XXYLT1: variants seen among roughly 807,000 people sequenced by gnomAD.
XXYLT1 encodes xyloside xylosyltransferase 1, also known as UDP-xylose:alpha-xyloside alpha-1,3-xylosyltransferase.
In XXYLT1, 20 loss-of-function variants were observed where a neutral mutation model predicts 28.9. The ratio of observed to expected loss-of-function variants is 0.69; its 90% confidence interval spans 0.49 to 1.00. The LOEUF is 1.00. XXYLT1 is among the 50% of genes least tolerant of loss of function. The probability of loss-of-function intolerance (pLI) is 0.00; values close to 1 mark genes in which losing one functional copy is unlikely to be tolerated. For synonymous variants in XXYLT1, 257 were observed against 253.8 expected (o/e 1.01, Z -0.12); for missense variants, 542 against 560.1 (o/e 0.97, Z 0.33).
intron 3 of XXYLT1, among the ~76,000 whole-genome samples, chr3:195,104,198 CGTGTGTGT>C (rs59361512): frequency 0.08 from 11,350 of 141,828 alleles, 564 homozygotes; most frequent in East Asian, 0.23. Context: ...ATGAGGGCTC[CGTGTGTGT>C]GTGTGTGTGT....
At chr3:195,208,380 C>A (rs569244482) in intron 2 of XXYLT1, among the ~76,000 whole-genome samples, 2 of 152,226 alleles carry the variant, frequency 1.3e-5, no homozygotes, top group African/African-American at 2.4e-5. Flanking sequence ...TGGCAGTCAG[C>A]CCACCTGCCC....
At position 195,198,660 on chromosome 3, in the gene XXYLT1, C is replaced by T. The variant is rs886430589; in HGVS notation, c.652+28049G>A. Among the ~76,000 whole-genome samples the T allele has an allele frequency of 2.6e-5, 4 of 152,322 alleles. No homozygotes were observed. In the East Asian group the frequency reaches 7.7e-4, roughly 29 times the overall value. On this transcript the variant is annotated intron_variant, in intron 2 of 3. Coordinates refer to ENST00000310380, the MANE Select transcript of XXYLT1 (RefSeq NM_152531.5). ...TATTTTCCACTACTAAGTGGCAGGG[C>T]TGCATTCAAACCCAGGCAGTGTTTT... is the stretch of plus-strand genomic sequence containing the variant.
intron 2 of XXYLT1, among the ~76,000 whole-genome samples, chr3:195,198,017 C>A (rs191390212): frequency 1.3e-5 from 2 of 152,364 alleles, no homozygotes; most frequent in African/African-American, 2.4e-5. Flanking sequence ...ACCCTCGGCT[C>A]TCCCCTATCC....
chr3:195,106,188 T>C (rs9872141), intron 3 of XXYLT1, among the ~76,000 whole-genome samples: 96,953 of 151,988 alleles, frequency 0.64, 31,952 homozygotes, highest in Middle Eastern at 0.72. Context: ...TTGTGGAAGC[T>C]CAATACACTG....
In XXYLT1 at chr3:195,252,400, ATC is replaced by A. The variant is rs1725290723; in HGVS notation, c.504+18153_504+18154del. 2.0e-5 allele frequency among the ~76,000 whole-genome samples: 3 copies of A among 152,218 alleles called. No homozygotes were observed. In the South Asian group the frequency reaches 6.2e-4, roughly 31 times the overall value. On this transcript the variant is annotated intron_variant, in intron 1 of 3. Transcript: ENST00000310380. Reference sequence around the variant, plus strand: ...TAACTTACACAGTAGAAACAAAGATATCTGTTACTTTTTTTGTTTTCATTTTT... The same window carrying A: ...TAACTTACACAGTAGAAACAAAGATATGTTACTTTTTTTGTTTTCATTTTT...
intron 2 of XXYLT1, among the ~76,000 whole-genome samples, chr3:195,207,062 A>T (rs528566513): frequency 2.0e-5 from 3 of 152,320 alleles, no homozygotes; most frequent in African/African-American, 7.2e-5. Flanking sequence ...ACAAGGCTTT[A>T]ACCTGGGTCT....
intron 2 of XXYLT1, among the ~76,000 whole-genome samples, chr3:195,190,766 GA>G (rs961321357): frequency 1.3e-4 from 20 of 151,966 alleles, no homozygotes; most frequent in African/African-American, 3.9e-4. Flanking sequence ...ATGGAAGGGG[GA>G]AAGAATGGCG....
chr3:195,266,174 G>A (rs183217908), intron 1 of XXYLT1, among the ~76,000 whole-genome samples: 66 of 152,274 alleles, frequency 4.3e-4, no homozygotes, highest in Admixed American at 1.4e-3. Flanking sequence ...GAAGCCACTG[G>A]AGGTTCTGAA....
At chr3:195,249,131 G>A (rs933909765) in intron 1 of XXYLT1, among the ~76,000 whole-genome samples, 2 of 152,142 alleles carry the variant, frequency 1.3e-5, no homozygotes, top group African/African-American at 2.4e-5. Flanking sequence ...CCTTTTGTGG[G>A]TGAGACACTG....
chr3:195,147,604 T>C (rs942115193), intron 3 of XXYLT1, among the ~76,000 whole-genome samples: 1 of 152,152 alleles, frequency 6.6e-6, no homozygotes, highest in East Asian at 1.9e-4. Context: ...AACTTTCCCA[T>C]GGACTGTCTT....
In XXYLT1 at chr3:195,138,891, A is replaced by G. The variant is rs531444083; in HGVS notation, c.785+17558T>C. Among the ~76,000 whole-genome samples the G allele has an allele frequency of 2.0e-5, 3 of 151,686 alleles. No individual in the cohort carries two copies. In the East Asian group the frequency reaches 5.8e-4, roughly 29 times the overall value. ...AAAAAAAAAAAAGAAAGAAAGAAAGAAAGAAAAATGGGCTAGAGAGAGAGC... is the reference window on the plus strand; with the variant it reads ...AAAAAAAAAAAAGAAAGAAAGAAAGGAAGAAAAATGGGCTAGAGAGAGAGC... On this transcript the variant is annotated intron_variant, in intron 3 of 3. Transcript: ENST00000310380.
chr3:195,224,880 T>C (rs1723982778), intron 2 of XXYLT1, among the ~76,000 whole-genome samples: 1 of 152,206 alleles, frequency 6.6e-6, no homozygotes, highest in South Asian at 2.1e-4. Context: ...CCTAGGCACA[T>C]ACGTGGCTAA....
At chr3:195,250,160 A>C (rs1036233516) in intron 1 of XXYLT1, among the ~76,000 whole-genome samples, 1 of 151,904 alleles carries the variant, frequency 6.6e-6, no homozygotes, top group Non-Finnish European at 1.5e-5. Context: ...AGCCCCTCAC[A>C]CCTGCTGCCC....
rs1490751410 is a variant in XXYLT1, at chr3:195,069,754, G to T, written c.1143C>A (p.Ile381=). Reference sequence around the variant, plus strand: ...TGGGAGTGTTGCAGTTCCCGTGGTAGATCTTGACGTGGCCCTCACACCTGA... The same window carrying T: ...TGGGAGTGTTGCAGTTCCCGTGGTATATCTTGACGTGGCCCTCACACCTGA... The part of the protein sequence containing the change: ...AYFRCEGHVK[I]YHGNCNTPIP... The change falls in exon 4 of 4, where the codon ATC becomes ATA. Residue 381 remains isoleucine (I), a synonymous_variant. Coordinates refer to ENST00000310380, the MANE Select transcript of XXYLT1 (RefSeq NM_152531.5). 6.2e-7 allele frequency: 1 copy of T among 1,613,988 alleles called. No homozygotes were observed. The highest frequency in any genetic ancestry group is 8.5e-7 in the Non-Finnish European group (1 of 1,180,006).
intron 3 of XXYLT1, among the ~76,000 whole-genome samples, chr3:195,108,561 G>A (rs868324821): frequency 2.6e-5 from 4 of 152,140 alleles, no homozygotes; most frequent in Admixed American, 6.5e-5. Context: ...AGGTGATTTC[G>A]TCTTTGTGTG....
At chr3:195,109,078 AG>A (rs1369436540) in intron 3 of XXYLT1, among the ~76,000 whole-genome samples, 1 of 152,210 alleles carries the variant, frequency 6.6e-6, no homozygotes, top group Non-Finnish European at 1.5e-5. Context: ...TGAACTCGAA[AG>A]GGGCAGAGCC....
chr3:195,248,042 C>CTTCTTCTTTTCTCCTT, intron 1 of XXYLT1: 3 of 523,944 alleles, frequency 5.7e-6, no homozygotes, highest in South Asian at 2.4e-5. Context: ...CAAACCTTAT[C>CTTCTTCTTTTCTCCTT]AGCCACTTTC....
intron 3 of XXYLT1, among the ~76,000 whole-genome samples, chr3:195,107,728 G>C (rs111295667): frequency 6.7e-6 from 1 of 150,324 alleles, no homozygotes; most frequent in Non-Finnish European, 1.5e-5. Flanking sequence ...AGTATTCTCC[G>C]CACTGTGACC....
intron 2 of XXYLT1, among the ~76,000 whole-genome samples, chr3:195,199,769 G>A (rs1722774794): frequency 6.6e-6 from 1 of 152,174 alleles, no homozygotes; most frequent in Non-Finnish European, 1.5e-5. Flanking sequence ...CAGCCTCGCA[G>A]TGCACTTGTG....
Sources: allele counts gnomAD v4.1 joint callset (sites outside exome capture counted in the v4.1 genomes callset), GRCh38; gene constraint gnomAD v4.1.1; transcripts MANE v1.5; gene names NCBI Gene and HGNC (gene_info 2026-07-23, HGNC 2026-07-21).